Variants in ARHGEF9 observed in about 807,000 individuals in gnomAD.
ARHGEF9 encodes the protein Cdc42 guanine nucleotide exchange factor 9.
Under a neutral mutation model 41.3 loss-of-function variants are expected in ARHGEF9, and 2 were observed. The ratio of observed to expected loss-of-function variants is 0.05; its 90% CI spans 0.02 to 0.15. ARHGEF9 has a LOEUF of 0.15. ARHGEF9 is among the 10% of genes least tolerant of loss of function. The pLI, the probability that ARHGEF9 is intolerant of heterozygous loss-of-function variation, is 1.00. For missense variants in ARHGEF9, 225 were observed against 424.7 expected, an observed-to-expected ratio of 0.53 and a Z score of 4.13; for synonymous variants, 160 against 154.4, an observed-to-expected ratio of 1.04 and a Z score of -0.27.
At chrX:63,746,992 A>C (rs1556434707) in intron 1 of ARHGEF9, among the ~76,000 whole-genome samples, 2 of 112,031 alleles carry the variant, frequency 1.8e-5, no homozygotes, top group Admixed American at 1.9e-4. Flanking sequence ...AAGAAACCTA[A>C]GCCAAGTATA....
chrX:63,714,381 G>C (rs1405646036), intron 2 of ARHGEF9, among the ~76,000 whole-genome samples: 10 of 112,574 alleles, frequency 8.9e-5, no homozygotes, highest in Non-Finnish European at 1.5e-4. Flanking sequence ...CTGCAAGGCA[G>C]GCAAGCAAAC....
At chrX:63,687,492 A>G (rs1433551482) in intron 4 of ARHGEF9, among the ~76,000 whole-genome samples, 19 of 111,133 alleles carry the variant, frequency 1.7e-4, no homozygotes, top group Non-Finnish European at 3.4e-4. Flanking sequence ...CAAACAGGAA[A>G]CCATGACATT....
In ARHGEF9 at chrX:63,697,122, T is replaced by C. The variant is rs781819993; in HGVS notation, c.582+3A>G. The C allele has an allele frequency of 1.7e-6, 2 of 1,206,452 alleles. No homozygotes were observed. Among genetic ancestry groups the C allele is most frequent in the Admixed American group, 2.2e-5 (1 of 45,366 alleles). ...ACCCTCCCCAAATGGATAAGATACT[T>C]ACGTGCTCTAGGAAGCAGGGTCCTA... On this transcript the variant is annotated splice_donor_region_variant and intron_variant, in intron 4 of 9. Transcript: ENST00000671741.
chrX:63,740,283 CTT>C lies in ARHGEF9; in HGVS notation c.31-15574_31-15573del, dbSNP rs201819845. On this transcript the variant is annotated intron_variant, in intron 1 of 9. Coordinates refer to ENST00000671741, the MANE Select transcript of ARHGEF9 (RefSeq NM_001353921.2). Reference sequence around the variant, plus strand: ...ATATGTGGGGGTAATCTCAGCATGACTTTGACCAACCTGACTCCATGAGGGTG... The same window carrying C: ...ATATGTGGGGGTAATCTCAGCATGACTGACCAACCTGACTCCATGAGGGTG... Among the ~76,000 whole-genome samples, 403 of 112,157 alleles carry C rather than the reference CTT, an allele frequency of 3.6e-3. 3 individuals carry two copies. Among genetic ancestry groups the C allele is most frequent in the African/African-American group, 0.012 (384 of 30,857 alleles).
chrX:63,667,883 C>T (rs1406190268), intron 6 of ARHGEF9, among the ~76,000 whole-genome samples: 10 of 110,873 alleles, frequency 9.0e-5, no homozygotes, highest in Admixed American at 1.9e-4. Flanking sequence ...AGCAGTACAG[C>T]GATTTCCTGC....
chrX:63,647,918 C>T (rs1446075112), intron 8 of ARHGEF9, among the ~76,000 whole-genome samples: 17 of 110,517 alleles, frequency 1.5e-4, no homozygotes, highest in East Asian at 2.8e-4. Context: ...AGCCTGTAAA[C>T]GAACAAAGCC....
intron 2 of ARHGEF9, 66 bp from the exon 3 acceptor site, chrX:63,706,515 A>C (rs1246084322): frequency 3.0e-5 from 33 of 1,101,097 alleles, no homozygotes; most frequent in Non-Finnish European, 3.9e-5. Context: ...CCAGGCAAGT[A>C]GAAAAAGGAT....
At chrX:63,771,514 T>C (rs782639075) in intron 1 of ARHGEF9, among the ~76,000 whole-genome samples, 4 of 111,674 alleles carry the variant, frequency 3.6e-5, no homozygotes, top group Non-Finnish European at 7.5e-5. Context: ...TTGGTGGACT[T>C]TGAGTAAGGC....
At chrX:63,649,020 C>T (rs1416697070) in intron 8 of ARHGEF9, among the ~76,000 whole-genome samples, 1 of 111,366 alleles carries the variant, frequency 9.0e-6, no homozygotes, top group Non-Finnish European at 1.9e-5. Flanking sequence ...TAACACCCCA[C>T]TGTCAACATT....
intron 4 of ARHGEF9, 132 bp from the exon 5 acceptor site, chrX:63,678,704 G>C (rs56088893): frequency 6.3e-5 from 30 of 477,065 alleles, no homozygotes; most frequent in African/African-American, 5.3e-4. Flanking sequence ...TTCTTAAATT[G>C]ATTCATAATT....
chrX:63,771,478 T>C (rs782566307), intron 1 of ARHGEF9, among the ~76,000 whole-genome samples: 8 of 112,050 alleles, frequency 7.1e-5, no homozygotes, highest in Non-Finnish European at 1.3e-4. Flanking sequence ...GTCAAGGTAT[T>C]TTAATAGACG....
In ARHGEF9 at chrX:63,689,312, G is replaced by A. The variant is rs552067610; in HGVS notation, c.582+7813C>T. Among the ~76,000 whole-genome samples the A allele has an allele frequency of 6.3e-5, 7 of 111,505 alleles. No homozygotes were observed. In the South Asian group the frequency reaches 1.1e-3, roughly 18 times the overall value. The stretch of plus-strand genomic sequence containing the variant: ...GTGAAGGGATGGAAAAAGATACTGC[G>A]TACAAATAGAAACCACAAAAGAGCA... On this transcript the variant is annotated intron_variant, in intron 4 of 9. Coordinates refer to ENST00000671741, the MANE Select transcript of ARHGEF9 (RefSeq NM_001353921.2).
chrX:63,732,237 A>G (rs2054349448), intron 1 of ARHGEF9: 1 of 111,359 alleles, frequency 9.0e-6, no homozygotes, highest in Non-Finnish European at 1.9e-5. Flanking sequence ...TTCTCATGAC[A>G]TCAGTTCTCG....
At chrX:63,649,296 C>T (rs1171203406) in intron 8 of ARHGEF9, among the ~76,000 whole-genome samples, 6 of 110,582 alleles carry the variant, frequency 5.4e-5, no homozygotes, top group Admixed American at 1.9e-4. Context: ...CACTCAAAAC[C>T]GCTCAACTAC....
chrX:63,727,094 C>T (rs1182277109), intron 1 of ARHGEF9: 1 of 111,723 alleles, frequency 9.0e-6, no homozygotes, highest in Non-Finnish European at 1.9e-5. Context: ...TAAGCACATA[C>T]AGCCCCAACC....
At chrX:63,730,456 AG>A (rs782516867) in intron 1 of ARHGEF9, among the ~76,000 whole-genome samples, 1 of 111,989 alleles carries the variant, frequency 8.9e-6, no homozygotes, top group South Asian at 3.8e-4. Context: ...GTCAAATGGC[AG>A]GGAGGGGGAC....
intron 1 of ARHGEF9, among the ~76,000 whole-genome samples, chrX:63,759,068 T>G (rs2055985955): frequency 9.0e-6 from 1 of 111,214 alleles, no homozygotes; most frequent in South Asian, 3.9e-4. Context: ...GCCCTTATAT[T>G]CCAGGTTCAC....
intron 7 of ARHGEF9, 43 bp downstream of exon 7, chrX:63,665,843 G>C: frequency 1.7e-6 from 2 of 1,198,284 alleles, no homozygotes; most frequent in Non-Finnish European, 2.3e-6. Flanking sequence ...CCGGTACCCT[G>C]TTAGGTACCC....
chrX:63,638,462 G>C (rs1462922107), intron 9 of ARHGEF9: 2 of 412,833 alleles, frequency 4.8e-6, no homozygotes, highest in African/African-American at 2.5e-5. Context: ...GCTATAATCT[G>C]TTTTACAGGT....
Sources: gnomAD v4.1 joint callset for allele counts (sites outside exome capture counted in the v4.1 genomes callset) on GRCh38, gnomAD v4.1.1 for gene constraint, MANE v1.5 for transcripts, NCBI Gene and HGNC (gene_info 2026-07-23, HGNC 2026-07-21) for gene names.